The following CELF2 variants were observed in gnomAD, a reference collection of about 807,000 sequenced individuals.
The protein encoded by CELF2 is CUG triplet repeat RNA-binding protein 2.
CELF2 carries 8 observed loss-of-function variants against 62.6 expected under a neutral mutation model. The ratio of observed to expected loss-of-function variants is 0.13; its 90% CI spans 0.07 to 0.23. The LOEUF is 0.23. Ranked by LOEUF, CELF2 falls within the 10% of genes least tolerant of loss-of-function variation. The pLI is 1.00. For synonymous variants in CELF2, 258 were observed against 250.0 expected (o/e 1.03, Z -0.30); for missense variants, 333 against 671.0 (o/e 0.50, Z 5.56).
At chr10:11,230,960 A>G (rs2068426450) in intron 3 of CELF2, among the ~76,000 whole-genome samples, 1 of 152,228 alleles carries the variant, frequency 6.6e-6, no homozygotes, top group Non-Finnish European at 1.5e-5. Flanking sequence ...CAAAGCATTT[A>G]TTACCCTGTG....
the CELF2 span, among the ~76,000 whole-genome samples, chr10:10,701,227 G>A: frequency 3.9e-5 from 6 of 152,230 alleles, no homozygotes; most frequent in Admixed American, 2.6e-4. Context: ...CTAGGCAGAG[G>A]CTAATGCCTT....
chr10:11,315,806 G>A lies in CELF2; in HGVS notation c.1096+1548G>A, dbSNP rs1266998167. ...ACCCCCATTTCCGGTACAGCTCCTC[G>A]CTCTGACCTTGTCCTTCACCTAGGT... On this transcript the variant is annotated intron_variant, in intron 10 of 12. Coordinates refer to ENST00000633077, the MANE Select transcript of CELF2 (RefSeq NM_001326342.2). The surrounding 1 kb of genome is among the most constrained non-coding windows in gnomAD (Gnocchi z 5.8). Among the ~76,000 whole-genome samples, 1 of 152,176 alleles carries A rather than the reference G, an allele frequency of 6.6e-6. No individual in the cohort carries two copies. Among genetic ancestry groups the A allele is most frequent in the Non-Finnish European group, 1.5e-5 (1 of 68,032 alleles).
chr10:10,725,199 A>G, the CELF2 span, among the ~76,000 whole-genome samples: 1 of 152,098 alleles, frequency 6.6e-6, no homozygotes, highest in African/African-American at 2.4e-5. Context: ...TTGTTTTTGG[A>G]TACAAGTTGA....
In CELF2 at chr10:11,270,510, A is replaced by G. The variant is rs1408812079; in HGVS notation, c.619-156A>G. On this transcript the variant is annotated intron_variant, in intron 6 of 12. Transcript: ENST00000633077. This position sits in a 1 kb window ranked among gnomAD's most constrained non-coding sequence, Gnocchi z 5.8. ...TCTGGAATTTTCTGTTGATGGTACT[A>G]TTCAGAGAAGAAGGAATATCAAACC... Among the ~76,000 whole-genome samples, 2 of 152,248 alleles carry G rather than the reference A, an allele frequency of 1.3e-5. No homozygotes were observed. Among genetic ancestry groups the G allele is most frequent in the Admixed American group, 1.3e-4 (2 of 15,284 alleles).
At chr10:11,080,669 G>C (rs2073760305) in intron 1 of CELF2, among the ~76,000 whole-genome samples, 1 of 152,240 alleles carries the variant, frequency 6.6e-6, no homozygotes, top group South Asian at 2.1e-4. Context: ...GGATATTGAA[G>C]GGCCTTTTCA....
intron 1 of CELF2, among the ~76,000 whole-genome samples, chr10:11,056,340 G>T (rs1023995191): frequency 6.6e-6 from 1 of 152,190 alleles, no homozygotes; most frequent in African/African-American, 2.4e-5. Flanking sequence ...AATCACGTCT[G>T]CCTTTTCTAA....
At chr10:10,649,787 T>A in the CELF2 span, among the ~76,000 whole-genome samples, 4 of 152,218 alleles carry the variant, frequency 2.6e-5, 1 homozygote, top group East Asian at 7.7e-4. Context: ...CCGCGTGTAG[T>A]GTAGGTAAAC....
At chr10:11,006,121 G>GA (rs767760945) in intron 1 of CELF2, among the ~76,000 whole-genome samples, 7 of 152,146 alleles carry the variant, frequency 4.6e-5, no homozygotes, top group Non-Finnish European at 7.4e-5. Flanking sequence ...ATCCTGCTTT[G>GA]AAAAATGTAG....
At chr10:10,519,211 T>C in the CELF2 span, among the ~76,000 whole-genome samples, 36 of 152,162 alleles carry the variant, frequency 2.4e-4, no homozygotes, top group Admixed American at 5.9e-4. Context: ...TACATGTTCA[T>C]GAAGCAGAGT....
chr10:11,248,952 A>G (rs369865590), intron 3 of CELF2, among the ~76,000 whole-genome samples: 1 of 152,346 alleles, frequency 6.6e-6, no homozygotes, highest in African/African-American at 2.4e-5. Flanking sequence ...TCTGTGTTAC[A>G]GGGCCCCGTG....
the CELF2 span, among the ~76,000 whole-genome samples, chr10:10,780,292 T>C: frequency 6.6e-6 from 1 of 152,172 alleles, no homozygotes; most frequent in Non-Finnish European, 1.5e-5. Context: ...TATGACTATC[T>C]GGCAAGAATA....
At chr10:11,016,324 G>A (rs2057249916), upstream of CELF2, among the ~76,000 whole-genome samples, 1 of 152,112 alleles carries the variant, frequency 6.6e-6, no homozygotes, top group African/African-American at 2.4e-5. The surrounding 1 kb of genome is among the most constrained non-coding windows in gnomAD (Gnocchi z 5.2). Context: ...GCCCAGACCT[G>A]GTTCCTCCAG....
intron 1 of CELF2, among the ~76,000 whole-genome samples, chr10:11,140,010 G>A (rs2061066671): frequency 6.6e-6 from 1 of 152,124 alleles, no homozygotes; most frequent in Non-Finnish European, 1.5e-5. Context: ...ACCGGAAATG[G>A]TTTCGTGGGA....
chr10:11,097,004 A>T (rs2050064705), intron 1 of CELF2, among the ~76,000 whole-genome samples: 1 of 152,168 alleles, frequency 6.6e-6, no homozygotes, highest in Admixed American at 6.5e-5. Context: ...GTCTAATGGG[A>T]GTTAAAAACA....
intron 2 of CELF2, among the ~76,000 whole-genome samples, chr10:10,960,990 C>T (rs765128199): frequency 8.5e-5 from 13 of 152,232 alleles, no homozygotes; most frequent in Non-Finnish European, 1.2e-4. Context: ...GAGGATGAGA[C>T]GGCTGTCATT....
the CELF2 span, among the ~76,000 whole-genome samples, chr10:10,639,835 G>A: frequency 8.5e-5 from 13 of 152,132 alleles, no homozygotes; most frequent in African/African-American, 2.7e-4. Context: ...ACTAGGGACC[G>A]TCAATGAAGG....
intron 7 of CELF2, among the ~76,000 whole-genome samples, chr10:11,272,870 C>T (rs542955879): frequency 6.6e-6 from 1 of 152,300 alleles, no homozygotes; most frequent in African/African-American, 2.4e-5. Flanking sequence ...TCAGTAGGTG[C>T]TATTAACTCC....
chr10:11,219,928 T>G (rs1368786132), intron 3 of CELF2, among the ~76,000 whole-genome samples: 2 of 152,272 alleles, frequency 1.3e-5, no homozygotes, highest in South Asian at 2.1e-4. Flanking sequence ...GAGACCCTGC[T>G]GTGCTAAATC....
the CELF2 span, among the ~76,000 whole-genome samples, chr10:10,691,153 C>T: frequency 6.7e-6 from 1 of 149,260 alleles, no homozygotes; most frequent in Non-Finnish European, 1.5e-5. Context: ...CTATCCCTCC[C>T]CTCTCCCCCC....
Sources: gnomAD v4.1 joint callset for allele counts (sites outside exome capture counted in the v4.1 genomes callset) on GRCh38, gnomAD v4.1.1 for gene constraint, Gnocchi (gnomAD v3.1) non-coding constraint, MANE v1.5 for transcripts, NCBI Gene and HGNC (gene_info 2026-07-23, HGNC 2026-07-21) for gene names.